The following KCNQ5 variants were observed in gnomAD, a reference collection of about 807,000 sequenced individuals.
KCNQ5 encodes potassium voltage-gated channel subfamily KQT member 5.
Under a neutral mutation model 98.2 loss-of-function variants are expected in KCNQ5, and 30 were observed. That is an observed-to-expected ratio of 0.31 (90% CI 0.23 to 0.41). KCNQ5 has a LOEUF of 0.41. Ranked by LOEUF, KCNQ5 falls within the 10% of genes least tolerant of loss-of-function variation. The probability of loss-of-function intolerance (pLI) is 1.00; values close to 1 mark genes in which losing one functional copy is unlikely to be tolerated. For missense variants in KCNQ5, 835 were observed against 1,182.5 expected (o/e 0.71, Z 4.31); for synonymous variants, 458 against 449.4 (o/e 1.02, Z -0.24).
chr6:72,627,172 A>C (rs1420246745), intron 1 of KCNQ5, among the ~76,000 whole-genome samples: 1 of 152,234 alleles, frequency 6.6e-6, no homozygotes, highest in Non-Finnish European at 1.5e-5. Flanking sequence ...GGAATCATTT[A>C]CAAATCTGGA....
intron 1 of KCNQ5, among the ~76,000 whole-genome samples, chr6:72,862,203 G>A (rs763968518): frequency 6.6e-5 from 10 of 152,200 alleles, no homozygotes; most frequent in Non-Finnish European, 1.2e-4. Flanking sequence ...GCTGTAGCTG[G>A]GCTAACTGGG....
chr6:72,836,504 T>C (rs1035453443), intron 1 of KCNQ5, among the ~76,000 whole-genome samples: 2 of 152,122 alleles, frequency 1.3e-5, no homozygotes, highest in African/African-American at 4.8e-5. Context: ...AGTGGCATGA[T>C]TGTAGCTCAC....
chr6:72,660,669 C>A (rs1419245397), intron 1 of KCNQ5, among the ~76,000 whole-genome samples: 2 of 152,174 alleles, frequency 1.3e-5, no homozygotes, highest in African/African-American at 2.4e-5. Context: ...CATTAAAATT[C>A]TACTATTGAT....
intron 7 of KCNQ5, among the ~76,000 whole-genome samples, chr6:73,114,942 G>A (rs113642108): frequency 4.2e-4 from 64 of 152,116 alleles, no homozygotes; most frequent in Non-Finnish European, 8.4e-4. Context: ...ACCCTAAAGC[G>A]AAGCCACTAG....
chr6:73,063,721 T>TAGATAGATAGATAGATA (rs1554203585), intron 3 of KCNQ5, among the ~76,000 whole-genome samples: 1 of 96,034 alleles, frequency 1.0e-5, no homozygotes, highest in Non-Finnish European at 2.2e-5. Context: ...GATAGATAGA[T>TAGATAGATAGATAGATA]GATAGATAGA....
chr6:73,139,008 C>T (rs1263244650), intron 10 of KCNQ5, among the ~76,000 whole-genome samples: 3 of 152,330 alleles, frequency 2.0e-5, no homozygotes, highest in African/African-American at 7.2e-5. Flanking sequence ...AGAGATAAGA[C>T]AGCTCTCCAC....
chr6:73,038,891 A>G (rs1219845557), intron 2 of KCNQ5, among the ~76,000 whole-genome samples: 1 of 151,906 alleles, frequency 6.6e-6, no homozygotes, highest in Non-Finnish European at 1.5e-5. Flanking sequence ...TTTCTCCTCT[A>G]TTTTCTGGGA....
intron 1 of KCNQ5, among the ~76,000 whole-genome samples, chr6:72,703,278 C>A (rs976582833): frequency 1.4e-4 from 22 of 152,228 alleles, no homozygotes; most frequent in African/African-American, 4.8e-5. Flanking sequence ...TCTTTATGTT[C>A]ATTCTCTTTC....
At chr6:73,191,737 T>C (rs1765597022) in intron 12 of KCNQ5, among the ~76,000 whole-genome samples, 1 of 152,162 alleles carries the variant, frequency 6.6e-6, no homozygotes, top group Non-Finnish European at 1.5e-5. Context: ...CATCCAGAGA[T>C]TGATAAAATA....
chr6:72,786,614 C>G (rs954490573), intron 1 of KCNQ5, among the ~76,000 whole-genome samples: 1 of 152,006 alleles, frequency 6.6e-6, no homozygotes, highest in Non-Finnish European at 1.5e-5. Flanking sequence ...CTCAGCCACA[C>G]GGGTTTAGAA....
At chr6:73,033,327 T>G (rs1771235415) in intron 2 of KCNQ5, among the ~76,000 whole-genome samples, 1 of 152,172 alleles carries the variant, frequency 6.6e-6, no homozygotes, top group African/African-American at 2.4e-5. Flanking sequence ...AATGGGGCAT[T>G]TTCAAACTAT....
chr6:73,152,859 G>T (rs775848954), intron 10 of KCNQ5, among the ~76,000 whole-genome samples: 1 of 152,160 alleles, frequency 6.6e-6, no homozygotes, highest in Admixed American at 6.6e-5. Flanking sequence ...GAGGGAAAAG[G>T]TCTTACTACC....
At chr6:72,933,190 A>G (rs1331471930) in intron 1 of KCNQ5, among the ~76,000 whole-genome samples, 2 of 152,228 alleles carry the variant, frequency 1.3e-5, no homozygotes, top group East Asian at 1.9e-4. Flanking sequence ...AAAATTCTGG[A>G]CAGAACTTAC....
intron 10 of KCNQ5, chr6:73,158,132 T>G: frequency 2.5e-6 from 1 of 395,508 alleles, no homozygotes; most frequent in Admixed American, 3.5e-5. Flanking sequence ...CCGCTACAGG[T>G]TGCTCCTGGT....
intron 1 of KCNQ5, among the ~76,000 whole-genome samples, chr6:72,752,855 G>T (rs1771755472): frequency 6.6e-6 from 1 of 152,048 alleles, no homozygotes; most frequent in Admixed American, 6.6e-5. Context: ...AGGGCATAGT[G>T]GATATGTACA....
At chr6:72,658,578 A>ATATATTTTTTT (rs1226386362) in intron 1 of KCNQ5, among the ~76,000 whole-genome samples, 26 of 76,360 alleles carry the variant, frequency 3.4e-4, no homozygotes, top group South Asian at 9.1e-4. Context: ...ATATATATAT[A>ATATATTTTTTT]TTTTTTTTTT....
At chr6:73,151,903 G>C (rs932309149) in intron 10 of KCNQ5, among the ~76,000 whole-genome samples, 15 of 152,162 alleles carry the variant, frequency 9.9e-5, no homozygotes, top group Non-Finnish European at 1.8e-4. Context: ...AAGGCATGAT[G>C]ATGACAGCTG....
intron 1 of KCNQ5, among the ~76,000 whole-genome samples, chr6:72,988,598 C>T (rs913232521): frequency 4.0e-5 from 6 of 150,272 alleles, no homozygotes; most frequent in African/African-American, 1.5e-4. Context: ...CAAATCTGTA[C>T]ATGTACCCCC....
intron 1 of KCNQ5, among the ~76,000 whole-genome samples, chr6:72,823,297 T>G (rs1237892269): frequency 2.0e-5 from 3 of 152,194 alleles, no homozygotes. Flanking sequence ...ATTTACCACA[T>G]AGTCTTAATA....
Sources: gnomAD v4.1 joint callset for allele counts (sites outside exome capture counted in the v4.1 genomes callset) on GRCh38, gnomAD v4.1.1 for gene constraint, MANE v1.5 for transcripts, NCBI Gene and HGNC (gene_info 2026-07-23, HGNC 2026-07-21) for gene names.